RFX3: variants seen among roughly 807,000 people sequenced by gnomAD.
RFX3 encodes the protein transcription factor RFX3.
RFX3 carries 14 observed loss-of-function variants against 98.6 expected under a neutral mutation model. The ratio of observed to expected loss-of-function variants is 0.14; its 90% CI spans 0.09 to 0.22. RFX3 has a LOEUF of 0.22. Ranked by LOEUF, RFX3 falls within the 10% of genes least tolerant of loss-of-function variation. The probability of loss-of-function intolerance (pLI) is 1.00; values close to 1 mark genes in which losing one functional copy is unlikely to be tolerated. For synonymous variants in RFX3, 383 were observed against 328.4 expected, an observed-to-expected ratio of 1.17 and a Z score of -1.80; for missense variants, 639 against 926.9, an observed-to-expected ratio of 0.69 and a Z score of 4.03.
Position 3,225,012 on chromosome 9 carries a change from G to A in RFX3, c.*30C>T, listed in dbSNP as rs539685775. 39 of 1,604,392 alleles carry A rather than the reference G, an allele frequency of 2.4e-5. 1 individual carries two copies. The highest frequency in any genetic ancestry group is 1.8e-4 in the South Asian group (16 of 90,598). On this transcript the variant is annotated 3_prime_UTR_variant, in exon 17 of 17. Transcript: ENST00000617270. ...TAAGCCCAATATCAACAGGGTTAAT[G>A]TAAGCTGGAAAAATACGCTTTAATA...
intron 1 of RFX3, among the ~76,000 whole-genome samples, chr9:3,418,043 G>A (rs1177377446): frequency 2.0e-5 from 3 of 152,118 alleles, no homozygotes; most frequent in Non-Finnish European, 4.4e-5. Flanking sequence ...AGCATTCTGT[G>A]CTTTATTTGT....
chr9:3,373,474 T>G (rs746385247), intron 2 of RFX3, among the ~76,000 whole-genome samples: 1 of 152,180 alleles, frequency 6.6e-6, no homozygotes, highest in Non-Finnish European at 1.5e-5. Flanking sequence ...AACTGTTAAA[T>G]AGAGAATTAA....
At chr9:3,368,629 C>G (rs1254806639) in intron 2 of RFX3, among the ~76,000 whole-genome samples, 1 of 152,080 alleles carries the variant, frequency 6.6e-6, no homozygotes, top group Non-Finnish European at 1.5e-5. Flanking sequence ...GCTTAGTAAA[C>G]AAAAGATATT....
intron 13 of RFX3, among the ~76,000 whole-genome samples, chr9:3,258,337 C>T (rs181421235): frequency 3.3e-4 from 50 of 152,106 alleles, no homozygotes; most frequent in African/African-American, 1.1e-3. Flanking sequence ...TTTCTATATG[C>T]TCTCAAAAAA....
intron 15 of RFX3, among the ~76,000 whole-genome samples, chr9:3,233,329 A>G (rs1818726384): frequency 2.0e-5 from 3 of 152,204 alleles, no homozygotes; most frequent in Admixed American, 1.3e-4. Context: ...GAGGCCTAGT[A>G]TCTATACCTG....
intron 1 of RFX3, among the ~76,000 whole-genome samples, chr9:3,500,949 C>T (rs1313178774): frequency 6.6e-6 from 1 of 152,128 alleles, no homozygotes; most frequent in Non-Finnish European, 1.5e-5. Flanking sequence ...ATACTATTAA[C>T]TAAATGGCAA....
intron 2 of RFX3, among the ~76,000 whole-genome samples, chr9:3,350,593 A>G (rs1834990075): frequency 6.6e-6 from 1 of 152,144 alleles, no homozygotes; most frequent in Admixed American, 6.6e-5. Flanking sequence ...AAACTTACGT[A>G]TACACAAAAA....
intron 16 of RFX3, among the ~76,000 whole-genome samples, chr9:3,225,897 A>G (rs192723892): frequency 2.6e-5 from 4 of 152,292 alleles, no homozygotes; most frequent in Admixed American, 2.0e-4. Flanking sequence ...AAAAATGTGC[A>G]ATGGATTTCC....
At chr9:3,414,573 T>TCTAC (rs1299339957) in intron 1 of RFX3, among the ~76,000 whole-genome samples, 1 of 149,284 alleles carries the variant, frequency 6.7e-6, no homozygotes, top group Non-Finnish European at 1.5e-5. Flanking sequence ...GCTAGTGGTA[T>TCTAC]CTACTGCAAT....
chr9:3,338,428 T>C, intron 3 of RFX3, among the ~76,000 whole-genome samples: 1 of 152,256 alleles, frequency 6.6e-6, no homozygotes, highest in East Asian at 1.9e-4. Context: ...TTCATTACTA[T>C]GTATGTTGAC....
At chr9:3,401,322 G>C (rs557754930) in intron 1 of RFX3, among the ~76,000 whole-genome samples, 2 of 152,144 alleles carry the variant, frequency 1.3e-5, no homozygotes, top group Non-Finnish European at 1.5e-5. Context: ...ATAGTATTCT[G>C]GTAGGCTTCC....
intron 4 of RFX3, among the ~76,000 whole-genome samples, chr9:3,329,423 A>AC (rs1563935193): frequency 1.3e-5 from 2 of 150,204 alleles, no homozygotes; most frequent in East Asian, 1.9e-4. Context: ...AAAAAAAAAA[A>AC]AAAAACAAAA....
chr9:3,266,936 G>A (rs774926278), intron 11 of RFX3, among the ~76,000 whole-genome samples: 6 of 151,958 alleles, frequency 3.9e-5, no homozygotes, highest in Non-Finnish European at 4.4e-5. Context: ...ACGGAAACCC[G>A]TATTCTTAAG....
intron 4 of RFX3, among the ~76,000 whole-genome samples, chr9:3,303,466 G>A (rs1279802015): frequency 2.0e-5 from 3 of 151,974 alleles, no homozygotes; most frequent in East Asian, 3.9e-4. Context: ...CAGAGAATTT[G>A]AGGTAAGATT....
At chr9:3,256,899 C>A (rs982837756) in intron 14 of RFX3, 92 bp downstream of exon 14, 2 of 1,210,232 alleles carry the variant, frequency 1.7e-6, no homozygotes, top group Non-Finnish European at 2.4e-6. Flanking sequence ...TTATTACTTT[C>A]TTTTCTTTTG....
chr9:3,446,992 C>A (rs1199588321), intron 1 of RFX3, among the ~76,000 whole-genome samples: 1 of 152,060 alleles, frequency 6.6e-6, no homozygotes, highest in Non-Finnish European at 1.5e-5. Flanking sequence ...CTAAAGCAAT[C>A]TTCTGGGTGA....
At chr9:3,235,798 T>C (rs1340535172) in intron 15 of RFX3, among the ~76,000 whole-genome samples, 4 of 152,130 alleles carry the variant, frequency 2.6e-5, no homozygotes, top group African/African-American at 9.7e-5. Context: ...GTAGTTACTC[T>C]TGTAACTACA....
chr9:3,348,641 T>A (rs558828218), intron 2 of RFX3, among the ~76,000 whole-genome samples: 27 of 152,200 alleles, frequency 1.8e-4, no homozygotes, highest in African/African-American at 5.3e-4. Context: ...CTTTTTATAT[T>A]ACAGTACTGA....
chr9:3,475,100 CAA>C (rs199543385), intron 1 of RFX3, among the ~76,000 whole-genome samples: 19 of 96,296 alleles, frequency 2.0e-4, no homozygotes, highest in Admixed American at 3.2e-4. Context: ...ACCCTGTCTC[CAA>C]AAAAAAAAAA....
Sources: gnomAD v4.1 joint callset for allele counts (sites outside exome capture counted in the v4.1 genomes callset) on GRCh38, gnomAD v4.1.1 for gene constraint, MANE v1.5 for transcripts, NCBI Gene and HGNC (gene_info 2026-07-23, HGNC 2026-07-21) for gene names.